TDRD9: variants seen among roughly 807,000 people sequenced by gnomAD.
TDRD9 encodes tudor domain containing 9, also known as ATP-dependent RNA helicase TDRD9.
Under a neutral mutation model 172.6 loss-of-function variants are expected in TDRD9, and 124 were observed. That is an observed-to-expected ratio of 0.72 (90% CI 0.62 to 0.83). The LOEUF is 0.83. Among genes scored for constraint, TDRD9 ranks in the 40% least tolerant of loss-of-function variants. The probability of loss-of-function intolerance (pLI) is 0.00; values close to 1 mark genes in which losing one functional copy is unlikely to be tolerated. For synonymous variants in TDRD9, 619 were observed against 617.1 expected, an observed-to-expected ratio of 1.00 and a Z score of -0.05; for missense variants, 1,479 against 1,714.1, an observed-to-expected ratio of 0.86 and a Z score of 2.42.
At chr14:104,040,116 T>A in intron 32 of TDRD9, 80 bp from the exon 33 acceptor site, 1 of 1,258,516 alleles carries the variant, frequency 7.9e-7, no homozygotes, top group Non-Finnish European at 1.0e-6. Context: ...AGGATAATTT[T>A]ATCGGTCAAT....
chr14:103,998,719 C>A lies in TDRD9; in HGVS notation c.1474C>A (p.Gln492Lys), dbSNP rs1595965984. The change falls in exon 13 of 36, where the codon CAG (glutamine) becomes AAG (lysine). Residue 492 changes from glutamine to lysine, a missense_variant. By Grantham distance (53) the Gln-to-Lys change is moderately conservative. Coordinates refer to ENST00000409874, the MANE Select transcript of TDRD9 (RefSeq NM_153046.3). ...TTGGGCTTCTAAAACCAGCTGTAAT[C>A]AGAGAAAAGGTAAGACATTTGTGTT... Reference protein sequence around the residue: ...LSWASKTSCNQRKGRAGRVSR... With the variant: ...LSWASKTSCNKRKGRAGRVSR... 6.4e-7 allele frequency: 1 copy of A among 1,551,094 alleles called. No individual in the cohort carries two copies. The highest frequency in any genetic ancestry group is 2.2e-5 in the East Asian group (1 of 44,530).
chr14:104,003,422 G>A (rs1393532857), intron 13 of TDRD9, among the ~76,000 whole-genome samples: 1 of 152,032 alleles, frequency 6.6e-6, no homozygotes, highest in African/African-American at 2.4e-5. Flanking sequence ...CAAAACATTG[G>A]TTCACCCCTC....
intron 4 of TDRD9, among the ~76,000 whole-genome samples, 187 bp from the exon 5 acceptor site, chr14:103,966,522 C>T (rs1178726389): frequency 1.3e-5 from 2 of 151,942 alleles, no homozygotes; most frequent in Admixed American, 1.3e-4. Flanking sequence ...ATGAGCCAAC[C>T]CCTGCCGCCC....
chr14:104,012,903 T>C (rs1310254416), intron 20 of TDRD9, among the ~76,000 whole-genome samples: 1 of 152,182 alleles, frequency 6.6e-6, no homozygotes, highest in African/African-American at 2.4e-5. Context: ...CCTGAAATGT[T>C]TTTAAATATC....
intron 35 of TDRD9, among the ~76,000 whole-genome samples, chr14:104,051,167 T>C (rs2035926792): frequency 6.6e-6 from 1 of 152,200 alleles, no homozygotes; most frequent in Non-Finnish European, 1.5e-5. Flanking sequence ...CTTATGTCCA[T>C]GAGTACTCAA....
Position 104,004,234 on chromosome 14 carries a change from GA to G in TDRD9, c.1484-2del. 6.4e-7 allele frequency: 1 copy of G among 1,551,444 alleles called. No individual in the cohort carries two copies. Among genetic ancestry groups the G allele is most frequent in the Non-Finnish European group, 8.8e-7 (1 of 1,131,188 alleles). On this transcript the variant is annotated splice_region_variant and splice_polypyrimidine_tract_variant and intron_variant, in intron 13 of 35. Transcript: ENST00000409874. ...AACACTGTTTGCACATCTCTCCTTTGAAGGCCGTGCTGGACGAGTGTCTAGA... is the reference window on the plus strand; with the variant it reads ...AACACTGTTTGCACATCTCTCCTTTGAGGCCGTGCTGGACGAGTGTCTAGA...
At chr14:104,034,929 G>T in intron 31 of TDRD9, 31 bp from the exon 32 acceptor site, 1 of 1,522,732 alleles carries the variant, frequency 6.6e-7, no homozygotes, top group Non-Finnish European at 8.9e-7. Context: ...GTGAGTTAAT[G>T]CCCGATGTTG....
At position 104,006,788 on chromosome 14, in the gene TDRD9, A is replaced by G; in HGVS notation, c.1950A>G (p.Lys650=). Residue 650 remains lysine (K), a synonymous_variant, in exon 18 of 36, where the codon AAA becomes AAG. Coordinates refer to ENST00000409874, the MANE Select transcript of TDRD9 (RefSeq NM_153046.3). ...FRQHLDGYRN[K]VNFSGSSKSD... is the part of the protein sequence containing the mutation. ...CACTGTTATCTGTTTATAGGAACAA[A>G]GTGAATTTCTCTGGCAGTAGCAAGA... 1 of 1,613,704 alleles carries G rather than the reference A, an allele frequency of 6.2e-7. No homozygotes were observed. Among genetic ancestry groups the G allele is most frequent in the Non-Finnish European group, 8.5e-7 (1 of 1,179,716 alleles).
intron 28 of TDRD9, among the ~76,000 whole-genome samples, chr14:104,028,238 A>C (rs1355922909): frequency 6.6e-6 from 1 of 152,068 alleles, no homozygotes; most frequent in East Asian, 1.9e-4. Flanking sequence ...GTATGTTCGT[A>C]CTGTTTTTAG....
chr14:103,956,098 AAAAAAAAAAAAAAATATATATATATAT>A (rs2152132523), intron 2 of TDRD9, among the ~76,000 whole-genome samples: 2 of 53,620 alleles, frequency 3.7e-5, no homozygotes, highest in African/African-American at 1.5e-4. Flanking sequence ...AAAAAAAAAA[AAAAAAAAAAAAAAATATATATATATAT>A]ATATATATAT....
chr14:103,940,887 G>A (rs568438434), intron 1 of TDRD9: 39 of 1,535,134 alleles, frequency 2.5e-5, no homozygotes, highest in Non-Finnish European at 3.2e-5. Flanking sequence ...TTTTGTCTAC[G>A]TAACTGGAAA....
chr14:103,932,072 C>T lies in TDRD9; in HGVS notation c.215+3348C>T, dbSNP rs558115841. On this transcript the variant is annotated intron_variant, in intron 1 of 35. Coordinates refer to ENST00000409874, the MANE Select transcript of TDRD9 (RefSeq NM_153046.3). ...ACCTGAATGCACTGCCAGTAGGGAA[C>T]GCAACTCTGCTAACACCTTGATTTA... Among the ~76,000 whole-genome samples, 18 of 152,286 alleles carry T rather than the reference C, an allele frequency of 1.2e-4. No homozygotes were observed. The East Asian group carries it at 2.5e-3, about 21-fold the overall frequency.
intron 3 of TDRD9, among the ~76,000 whole-genome samples, 151 bp downstream of exon 3, chr14:103,963,327 AG>A (rs1258769643): frequency 6.6e-6 from 1 of 152,234 alleles, no homozygotes; most frequent in African/African-American, 2.4e-5. Context: ...GGGTGTGCTC[AG>A]GCCAACCTGC....
chr14:104,025,503 AT>A, intron 25 of TDRD9, 60 bp from the exon 26 acceptor site: 1 of 1,375,616 alleles, frequency 7.3e-7, no homozygotes, highest in Non-Finnish European at 1.0e-6. Context: ...ATTCAAGCTC[AT>A]TTTCCTCCTT....
intron 9 of TDRD9, 52 bp downstream of exon 9, chr14:103,991,276 C>T (rs1420507640): frequency 6.3e-7 from 1 of 1,585,008 alleles, no homozygotes; most frequent in Non-Finnish European, 8.7e-7. Context: ...TGGAGAGAGG[C>T]TAAGTTTGTG....
Position 103,994,219 on chromosome 14 carries a change from C to A in TDRD9, c.1181-113C>A. 4 of 893,378 alleles carry A rather than the reference C, an allele frequency of 4.5e-6. No homozygotes were observed. The East Asian group carries it at 7.3e-5, about 16-fold the overall frequency. The allele number at this position is 893,378 out of a possible 1,614,324, so 55.3% of individuals were successfully genotyped here. A position where few individuals can be genotyped will look rare whatever the true frequency, so the allele number is the denominator to read the frequency against. ...ATTTAGGCAAAGAGGATAAAGAAGTCAAATAAATTGGTAGGGCCTTCTTTG... is the reference window on the plus strand; with the variant it reads ...ATTTAGGCAAAGAGGATAAAGAAGTAAAATAAATTGGTAGGGCCTTCTTTG... On this transcript the variant is annotated intron_variant, in intron 9 of 35. Coordinates refer to ENST00000409874, the MANE Select transcript of TDRD9 (RefSeq NM_153046.3).
rs547865147 is a variant in TDRD9, at chr14:104,024,557, C to T, written c.2607-12C>T. On this transcript the variant is annotated splice_polypyrimidine_tract_variant and intron_variant, in intron 24 of 35. Transcript: ENST00000409874. Reference sequence around the variant, plus strand: ...CTTGATTTTTATTTTAATAAAAATTCGTATTATGTAGGGTGAATGTGGACT... The same window carrying T: ...CTTGATTTTTATTTTAATAAAAATTTGTATTATGTAGGGTGAATGTGGACT... 47 of 1,486,162 alleles carry T rather than the reference C, an allele frequency of 3.2e-5. No individual in the cohort carries two copies. The highest frequency in any genetic ancestry group is 2.8e-4 in the African/African-American group (20 of 70,736). 92.1% of individuals were successfully genotyped at this position (1,486,162 alleles called of 1,614,324 possible).
rs564492354 is a variant in TDRD9, at chr14:103,976,392, G to A, written c.1011+839G>A. 8.6e-5 allele frequency among the ~76,000 whole-genome samples: 13 copies of A among 151,742 alleles called. No homozygotes were observed. The South Asian group carries it at 2.7e-3, about 32-fold the overall frequency. On this transcript the variant is annotated intron_variant, in intron 7 of 35. Coordinates refer to ENST00000409874, the MANE Select transcript of TDRD9 (RefSeq NM_153046.3). ...AGGTTCACACCATTCTCCTGCCTCA[G>A]CCTCCCAAATAGCTAGGACTACAGG...
Position 104,005,390 on chromosome 14 carries a change from CCTT to C in TDRD9, c.1701_1703del (p.Leu569del). 6.2e-7 allele frequency: 1 copy of C among 1,613,974 alleles called. No homozygotes were observed. The highest frequency in any genetic ancestry group is 8.5e-7 in the Non-Finnish European group (1 of 1,179,886). ...GTCTGAGTGACATTGAGCGCACCAT[CCTT>C]CTACTAAAGGAGGTAGGACTGCCTG... On this transcript the variant is annotated inframe_deletion, in exon 15 of 36. Coordinates refer to ENST00000409874, the MANE Select transcript of TDRD9 (RefSeq NM_153046.3).
Sources: gnomAD v4.1 joint callset for allele counts (sites outside exome capture counted in the v4.1 genomes callset) on GRCh38, gnomAD v4.1.1 for gene constraint, MANE v1.5 for transcripts, NCBI Gene and HGNC (gene_info 2026-07-23, HGNC 2026-07-21) for gene names.